The following LRMDA variants were observed in gnomAD, a reference collection of about 807,000 sequenced individuals.
The protein encoded by LRMDA is leucine-rich melanocyte differentiation-associated protein.
Under a neutral mutation model 29.8 loss-of-function variants are expected in LRMDA, and 18 were observed. That is an observed-to-expected ratio of 0.60 (90% confidence interval 0.42 to 0.90). LRMDA has a LOEUF of 0.90. LRMDA is among the 40% of genes least tolerant of loss of function. LRMDA has a pLI of 0.00. For missense variants in LRMDA, 273 were observed against 273.9 expected, an observed-to-expected ratio of 1.00 and a Z score of 0.02; for synonymous variants, 125 against 109.4, an observed-to-expected ratio of 1.14 and a Z score of -0.89.
At chr10:76,539,516 T>C (rs1054310133) in intron 6 of LRMDA, among the ~76,000 whole-genome samples, 4 of 152,136 alleles carry the variant, frequency 2.6e-5, no homozygotes, top group Non-Finnish European at 5.9e-5. Context: ...TGAGGTGATC[T>C]TTCTTATGAT....
Position 75,530,272 on chromosome 10 carries a change from A to G in LRMDA, c.131+91778A>G, listed in dbSNP as rs1353697539. ...ACAGTGATCATATTTAGAATTTGAA[A>G]AAAAAAAATAACATTGATTGATGAG... is the stretch of plus-strand genomic sequence containing the variant. On this transcript the variant is annotated intron_variant, in intron 2 of 6. Coordinates refer to ENST00000611255, the MANE Select transcript of LRMDA (RefSeq NM_001305581.2). 4.0e-5 allele frequency among the ~76,000 whole-genome samples: 6 copies of G among 150,948 alleles called. No homozygotes were observed. In the South Asian group the frequency reaches 8.3e-4, roughly 21 times the overall value.
chr10:76,515,774 G>A (rs995588615), intron 6 of LRMDA, among the ~76,000 whole-genome samples: 3 of 152,138 alleles, frequency 2.0e-5, no homozygotes, highest in Admixed American at 6.5e-5. Context: ...AAAGTGTTGG[G>A]ATTTCAGCCG....
chr10:75,694,332 G>A (rs1435272160), intron 2 of LRMDA, among the ~76,000 whole-genome samples: 1 of 152,268 alleles, frequency 6.6e-6, no homozygotes, highest in Non-Finnish European at 1.5e-5. Flanking sequence ...TGTATAGTGG[G>A]CAAAATGCAT....
At chr10:75,823,643 A>G (rs537617211) in intron 2 of LRMDA, among the ~76,000 whole-genome samples, 25 of 151,466 alleles carry the variant, frequency 1.7e-4, no homozygotes, top group African/African-American at 5.1e-4. Context: ...AAGCTATACA[A>G]TCAACCTAAG....
chr10:76,034,019 C>T lies in LRMDA; in HGVS notation c.132-1989C>T, dbSNP rs139315856. ...CAGCGTATGCTAGTAACCAGTTAGCCGTCCTTCACTTATTCTCGACAAGAT... is the reference window on the plus strand; with the variant it reads ...CAGCGTATGCTAGTAACCAGTTAGCTGTCCTTCACTTATTCTCGACAAGAT... On this transcript the variant is annotated intron_variant, in intron 2 of 6. Coordinates refer to ENST00000611255, the MANE Select transcript of LRMDA (RefSeq NM_001305581.2). Among the ~76,000 whole-genome samples, 39 of 152,248 alleles carry T rather than the reference C, an allele frequency of 2.6e-4. No homozygotes were observed. The South Asian group carries it at 3.7e-3, about 15-fold the overall frequency.
chr10:76,481,000 A>G (rs754953718), intron 6 of LRMDA, among the ~76,000 whole-genome samples: 2 of 151,848 alleles, frequency 1.3e-5, no homozygotes, highest in Non-Finnish European at 2.9e-5. Context: ...GGATATTCTA[A>G]TTTATATTTT....
intron 2 of LRMDA, among the ~76,000 whole-genome samples, chr10:75,926,911 G>A (rs1268210278): frequency 6.6e-6 from 1 of 152,156 alleles, no homozygotes; most frequent in Non-Finnish European, 1.5e-5. Flanking sequence ...TTACAGTAAG[G>A]CGCACACTTG....
At chr10:76,411,730 G>A (rs552191911) in intron 6 of LRMDA, among the ~76,000 whole-genome samples, 1 of 152,252 alleles carries the variant, frequency 6.6e-6, no homozygotes, top group East Asian at 1.9e-4. Context: ...CAGCAGTGGG[G>A]GATGGAGCCA....
intron 2 of LRMDA, among the ~76,000 whole-genome samples, chr10:75,449,688 AG>A (rs1844437276): frequency 6.6e-6 from 1 of 152,124 alleles, no homozygotes; most frequent in South Asian, 2.1e-4. Flanking sequence ...TGATTTGGAA[AG>A]TTTGGCGAGG....
At chr10:75,740,343 G>T (rs957382673) in intron 2 of LRMDA, among the ~76,000 whole-genome samples, 1 of 152,166 alleles carries the variant, frequency 6.6e-6, no homozygotes, top group African/African-American at 2.4e-5. Context: ...GGGAACACGG[G>T]TGTCTGCTTG....
intron 5 of LRMDA, among the ~76,000 whole-genome samples, chr10:76,207,153 G>A (rs1851551932): frequency 6.8e-6 from 1 of 147,974 alleles, no homozygotes; most frequent in Non-Finnish European, 1.5e-5. Context: ...GAATCAGCCG[G>A]GGAAACCCAT....
chr10:76,047,262 G>T lies in LRMDA; in HGVS notation c.357G>T (p.Leu119=), dbSNP rs138143586. The stretch of plus-strand genomic sequence containing the variant: ...GCAACGTGGCCTGTCCCAACGAGCT[G>T]GTCAGCTTGGAAAAGGATGAGGAAG... ...LLGNVACPNE[L]VSLEKDEEDY... Residue 119 remains leucine (L), a synonymous_variant, in exon 4 of 7, where the codon CTG becomes CTT. Transcript: ENST00000611255. 2.5e-6 allele frequency: 4 copies of T among 1,613,892 alleles called. No individual in the cohort carries two copies. The highest frequency in any genetic ancestry group is 3.4e-6 in the Non-Finnish European group (4 of 1,179,888).
chr10:76,015,143 C>T (rs781584593), intron 2 of LRMDA, among the ~76,000 whole-genome samples: 21 of 152,324 alleles, frequency 1.4e-4, no homozygotes, highest in Non-Finnish European at 2.2e-4. Context: ...ATAGATGCCC[C>T]GGCACTTTGC....
intron 6 of LRMDA, among the ~76,000 whole-genome samples, chr10:76,335,411 C>T (rs535349439): frequency 1.3e-5 from 2 of 152,224 alleles, no homozygotes; most frequent in South Asian, 2.1e-4. Context: ...ATATAGTAAG[C>T]ACTGTTTAGG....
intron 2 of LRMDA, among the ~76,000 whole-genome samples, chr10:75,472,753 C>T (rs1844741290): frequency 6.6e-6 from 1 of 152,196 alleles, no homozygotes; most frequent in Non-Finnish European, 1.5e-5. Flanking sequence ...CAGGTATTGA[C>T]AAGAGATGGA....
intron 6 of LRMDA, among the ~76,000 whole-genome samples, chr10:76,346,793 G>A (rs1397751579): frequency 6.6e-6 from 1 of 152,132 alleles, no homozygotes; most frequent in Non-Finnish European, 1.5e-5. Context: ...AGGTCCCAGT[G>A]CTAATAAGTG....
chr10:75,516,222 T>C (rs1277010732), intron 2 of LRMDA, among the ~76,000 whole-genome samples: 3 of 152,212 alleles, frequency 2.0e-5, no homozygotes, highest in Non-Finnish European at 4.4e-5. Context: ...ATATACCCAG[T>C]AATGGAATTG....
At chr10:76,464,623 T>C (rs1480303295) in intron 6 of LRMDA, among the ~76,000 whole-genome samples, 1 of 152,210 alleles carries the variant, frequency 6.6e-6, no homozygotes, top group Non-Finnish European at 1.5e-5. Flanking sequence ...TTTACCCCTT[T>C]GAGTAAAAAT....
chr10:75,861,468 A>T (rs954006551), intron 2 of LRMDA, among the ~76,000 whole-genome samples: 1 of 152,246 alleles, frequency 6.6e-6, no homozygotes, highest in Admixed American at 6.5e-5. Flanking sequence ...GACTGGCTGC[A>T]GTATTCCTTG....
Sources: gnomAD v4.1 joint callset for allele counts (sites outside exome capture counted in the v4.1 genomes callset) on GRCh38, gnomAD v4.1.1 for gene constraint, MANE v1.5 for transcripts, NCBI Gene and HGNC (gene_info 2026-07-23, HGNC 2026-07-21) for gene names.